COL17A1: variants seen among roughly 807,000 people sequenced by gnomAD.
The protein encoded by COL17A1 is collagen alpha-1(XVII) chain.
Under a neutral mutation model 218.4 loss-of-function variants are expected in COL17A1, and 181 were observed. The ratio of observed to expected loss-of-function variants is 0.83; its 90% CI spans 0.73 to 0.94. COL17A1 has a LOEUF of 0.94. Ranked by LOEUF, COL17A1 falls within the 40% of genes least tolerant of loss-of-function variation. The pLI is 0.00. For synonymous variants in COL17A1, 721 were observed against 731.0 expected (o/e 0.99, Z 0.22); for missense variants, 1,924 against 1,945.9 (o/e 0.99, Z 0.21).
chr10:104,082,488 C>A (rs1027891804), intron 1 of COL17A1, among the ~76,000 whole-genome samples: 1 of 152,122 alleles, frequency 6.6e-6, no homozygotes, highest in East Asian at 1.9e-4. Flanking sequence ...TTTAAATGCG[C>A]CTGGCAGTCA....
At chr10:104,072,106 G>C (rs1388584900) in intron 7 of COL17A1, 27 bp from the exon 8 acceptor site, 1 of 1,614,044 alleles carries the variant, frequency 6.2e-7, no homozygotes, top group Admixed American at 1.7e-5. Context: ...ATAGAGAAGG[G>C]TGTGAATGAA....
chr10:104,038,669 G>A (rs992295259), intron 44 of COL17A1, 141 bp from the exon 45 acceptor site: 2 of 1,066,560 alleles, frequency 1.9e-6, no homozygotes, highest in African/African-American at 1.6e-5. Context: ...AAGGGTCCCC[G>A]AGAAGAGAAG....
Position 104,064,587 on chromosome 10 carries a change from G to C in COL17A1, c.617C>G (p.Thr206Ser). ...VTASSQSVSG[T>S]YDATILDANL... is the part of the protein sequence containing the mutation. ...GGCATCCAGGATCGTTGCATCGTAG[G>C]TGCCTGACACTGGAAACAGACACAT... is the stretch of plus-strand genomic sequence containing the variant. Residue 206 changes from threonine (T) to serine (S), a missense_variant, in exon 10 of 56, where the codon ACC becomes AGC. Physicochemically the swap from Thr to Ser is moderately conservative, Grantham distance 58. Coordinates refer to ENST00000648076, the MANE Select transcript of COL17A1 (RefSeq NM_000494.4). 1 of 1,613,096 alleles carries C rather than the reference G, an allele frequency of 6.2e-7. No homozygotes were observed. Among genetic ancestry groups the C allele is most frequent in the Non-Finnish European group, 8.5e-7 (1 of 1,179,490 alleles).
intron 7 of COL17A1, among the ~76,000 whole-genome samples, chr10:104,072,944 G>C (rs2134649749): frequency 6.6e-6 from 1 of 152,304 alleles, no homozygotes; most frequent in Non-Finnish European, 1.5e-5. Context: ...ATGATCCACA[G>C]CAAGACAAAT....
At chr10:104,077,658 A>G (rs1156630531) in intron 3 of COL17A1, 132 bp from the exon 4 acceptor site, 9 of 730,726 alleles carry the variant, frequency 1.2e-5, no homozygotes, top group Non-Finnish European at 2.2e-5. Context: ...TTTCCCACCT[A>G]CATTATAAGA....
chr10:104,049,317 A>T, intron 29 of COL17A1, 92 bp downstream of exon 29: 2 of 1,153,790 alleles, frequency 1.7e-6, no homozygotes, highest in Non-Finnish European at 2.6e-6. Flanking sequence ...ATTAGAGAGT[A>T]GGAGAGGCAG....
In COL17A1 at chr10:104,070,454, G is replaced by A; in HGVS notation, c.579C>T (p.Thr193=). The change falls in exon 9 of 56, where the codon ACC becomes ACT. Residue 193 remains threonine (T), a synonymous_variant. Transcript: ENST00000648076. ...ACTGGGAGCTCGCTGTCACAATTTT[G>A]GTCTCCACAGTGCCTTTCTTGGGGA... ...LPIPKKGTVE[T]KIVTASSQSV... 6.2e-7 allele frequency: 1 copy of A among 1,614,056 alleles called. No individual in the cohort carries two copies. The highest frequency in any genetic ancestry group is 8.5e-7 in the Non-Finnish European group (1 of 1,180,040).
intron 8 of COL17A1, among the ~76,000 whole-genome samples, chr10:104,071,027 T>C (rs1485952238): frequency 6.6e-6 from 1 of 152,236 alleles, no homozygotes; most frequent in Non-Finnish European, 1.5e-5. Flanking sequence ...CCATAACTCC[T>C]AAATATTATG....
intron 8 of COL17A1, among the ~76,000 whole-genome samples, chr10:104,071,727 C>T (rs901879115): frequency 3.3e-5 from 5 of 152,134 alleles, no homozygotes; most frequent in South Asian, 2.1e-4. Context: ...CATGGGCTGC[C>T]GTGGAGCTGC....
At chr10:104,038,971 C>T in intron 44 of COL17A1, 100 bp downstream of exon 44, 1 of 1,310,254 alleles carries the variant, frequency 7.6e-7, no homozygotes, top group Non-Finnish European at 1.1e-6. Context: ...AACAACGAAT[C>T]ATGGAGAAAT....
chr10:104,049,839 A>G (rs2086450285), intron 28 of COL17A1, among the ~76,000 whole-genome samples: 1 of 152,180 alleles, frequency 6.6e-6, no homozygotes, highest in South Asian at 2.1e-4. Flanking sequence ...GTATTCCCCA[A>G]AAGAATCAGA....
Position 104,032,110 on chromosome 10 carries a change from C to G in COL17A1, c.*125G>C. The G allele has an allele frequency of 1.4e-6, 1 of 738,144 alleles. No individual in the cohort carries two copies. Among genetic ancestry groups the G allele is most frequent in the Non-Finnish European group, 2.5e-6 (1 of 407,872 alleles). The allele number at this position is 738,144 out of a possible 1,614,324, so 45.7% of individuals were successfully genotyped here. ...TTCAGACTAAAACAAATGTTGCTAG[C>G]TAGGTTGGCTGTGCTGTCTCAGTAG... On this transcript the variant is annotated 3_prime_UTR_variant, in exon 56 of 56. Transcript: ENST00000648076.
intron 11 of COL17A1, 35 bp downstream of exon 11, chr10:104,063,712 G>A (rs1360031838): frequency 6.2e-7 from 1 of 1,613,800 alleles, no homozygotes; most frequent in East Asian, 2.2e-5. Context: ...TATGCAAATA[G>A]CCTGGAAAAG....
At chr10:104,039,926 A>G in intron 41 of COL17A1, 47 bp downstream of exon 41, 2 of 1,613,614 alleles carry the variant, frequency 1.2e-6, no homozygotes, top group Non-Finnish European at 1.7e-6. Context: ...AGCTTTTGCC[A>G]TCCCCACCCC....
chr10:104,039,202 T>C (rs1391594007), intron 43 of COL17A1, 81 bp from the exon 44 acceptor site: 1 of 1,394,742 alleles, frequency 7.2e-7, no homozygotes, highest in African/African-American at 1.4e-5. Context: ...TATTAGTGTG[T>C]GTCTCAACAA....
Position 104,055,192 on chromosome 10 carries a change from C to A in COL17A1, c.1717+180G>T, listed in dbSNP as rs1253974070. On this transcript the variant is annotated intron_variant, in intron 19 of 55. Coordinates refer to ENST00000648076, the MANE Select transcript of COL17A1 (RefSeq NM_000494.4). Reference sequence around the variant, plus strand: ...CTCATTGCTGGGCTTCTCTTAGATGCTGCCTTATCTAAGATATTCTGACTC... The same window carrying A: ...CTCATTGCTGGGCTTCTCTTAGATGATGCCTTATCTAAGATATTCTGACTC... The A allele has an allele frequency of 4.3e-6, 6 of 1,402,882 alleles. No homozygotes were observed. The African/African-American group carries it at 5.7e-5, about 13-fold the overall frequency. The allele number at this position is 1,402,882 out of a possible 1,614,324, so 86.9% of individuals were successfully genotyped here.
chr10:104,040,091 G>T, intron 40 of COL17A1, 92 bp from the exon 41 acceptor site: 2 of 1,431,582 alleles, frequency 1.4e-6, no homozygotes, highest in Non-Finnish European at 2.0e-6. Flanking sequence ...GGGCTCCAAT[G>T]CTAGAGCAGA....
chr10:104,038,598 G>C, intron 44 of COL17A1, 70 bp from the exon 45 acceptor site: 1 of 1,589,600 alleles, frequency 6.3e-7, no homozygotes, highest in Non-Finnish European at 8.5e-7. Context: ...CCCAGGAATA[G>C]CTTCCATGGT....
rs550557592 is a variant in COL17A1, at chr10:104,044,746, C to A, written c.2399-886G>T. On this transcript the variant is annotated intron_variant, in intron 33 of 55. Coordinates refer to ENST00000648076, the MANE Select transcript of COL17A1 (RefSeq NM_000494.4). Reference sequence around the variant, plus strand: ...TGTTGTCCAGGCAGGGTCTGAACTCCCCCTTGGACTGGAAGTCACGGGCCC... The same window carrying A: ...TGTTGTCCAGGCAGGGTCTGAACTCACCCTTGGACTGGAAGTCACGGGCCC... Among the ~76,000 whole-genome samples, 10 of 152,132 alleles carry A rather than the reference C, an allele frequency of 6.6e-5. No individual in the cohort carries two copies. In the South Asian group the frequency reaches 1.9e-3, roughly 28 times the overall value.
Sources: allele counts gnomAD v4.1 joint callset (sites outside exome capture counted in the v4.1 genomes callset), GRCh38; gene constraint gnomAD v4.1.1; transcripts MANE v1.5; gene names NCBI Gene and HGNC (gene_info 2026-07-23, HGNC 2026-07-21).